ACSS3: variants seen among roughly 807,000 people sequenced by gnomAD.
ACSS3 encodes acyl-CoA synthetase short-chain family member 3, mitochondrial.
ACSS3 carries 64 observed loss-of-function variants against 84.2 expected under a neutral mutation model. The ratio of observed to expected loss-of-function variants is 0.76; its 90% confidence interval spans 0.62 to 0.94. The LOEUF is 0.94. Among genes scored for constraint, ACSS3 ranks in the 40% least tolerant of loss-of-function variants. The pLI is 0.00. For missense variants in ACSS3, 815 were observed against 867.6 expected, an observed-to-expected ratio of 0.94 and a Z score of 0.76; for synonymous variants, 317 against 310.1, an observed-to-expected ratio of 1.02 and a Z score of -0.23.
At chr12:81,142,228 G>C (rs1399682303) in intron 4 of ACSS3, among the ~76,000 whole-genome samples, 1 of 152,056 alleles carries the variant, frequency 6.6e-6, no homozygotes, top group Non-Finnish European at 1.5e-5. Flanking sequence ...GCTTGTGCTT[G>C]TGCTAACATG....
At chr12:81,179,892 G>A (rs991977939) in intron 8 of ACSS3, among the ~76,000 whole-genome samples, 4 of 152,126 alleles carry the variant, frequency 2.6e-5, no homozygotes, top group Admixed American at 1.3e-4. Context: ...ATTGGCTCAT[G>A]GTTTTGCAGG....
intron 11 of ACSS3, among the ~76,000 whole-genome samples, chr12:81,226,032 AT>A (rs2135959469): frequency 6.6e-6 from 1 of 151,952 alleles, no homozygotes; most frequent in South Asian, 2.1e-4. Context: ...ATCGCCACAA[AT>A]TTTAAAAAGT....
chr12:81,127,057 G>T (rs1159976901), intron 2 of ACSS3, among the ~76,000 whole-genome samples: 1 of 151,662 alleles, frequency 6.6e-6, no homozygotes, highest in Non-Finnish European at 1.5e-5. Flanking sequence ...CATTTTACTT[G>T]TAAGTGTAAA....
At chr12:81,183,473 A>G (rs151092718) in intron 8 of ACSS3, among the ~76,000 whole-genome samples, 1 of 152,158 alleles carries the variant, frequency 6.6e-6, no homozygotes, top group Non-Finnish European at 1.5e-5. Context: ...TATTAATAAT[A>G]ACTTTGACTG....
intron 8 of ACSS3, among the ~76,000 whole-genome samples, chr12:81,183,277 T>C (rs2031055422): frequency 6.6e-6 from 1 of 152,086 alleles, no homozygotes; most frequent in Non-Finnish European, 1.5e-5. Context: ...ATGTTTTATG[T>C]AAACCTCATG....
intron 5 of ACSS3, among the ~76,000 whole-genome samples, chr12:81,146,257 T>C (rs1178247456): frequency 1.3e-5 from 2 of 152,184 alleles, no homozygotes; most frequent in Non-Finnish European, 2.9e-5. Context: ...AGCCAGCTTC[T>C]TGGACACCTC....
At chr12:81,143,050 G>T in intron 4 of ACSS3, 57 bp from the exon 5 acceptor site, 3 of 1,426,618 alleles carry the variant, frequency 2.1e-6, no homozygotes, top group Admixed American at 4.2e-5. Flanking sequence ...GCTACTTTTT[G>T]TTCTCTTGAT....
chr12:81,245,840 G>A (rs964088892), intron 13 of ACSS3, among the ~76,000 whole-genome samples: 2 of 152,000 alleles, frequency 1.3e-5, no homozygotes, highest in Non-Finnish European at 2.9e-5. Flanking sequence ...TTAGAATGGA[G>A]TGGTGAATTC....
In ACSS3 at chr12:81,095,711, A is replaced by T. The variant is rs909236338; in HGVS notation, c.312-13849A>T. ...TGGGCTGCATTTCTCACCACTGGCA[A>T]TTCACCTAGCTTTAATCCGAGATGA... On this transcript the variant is annotated intron_variant, in intron 1 of 15. Coordinates refer to ENST00000548058, the MANE Select transcript of ACSS3 (RefSeq NM_024560.4). Among the ~76,000 whole-genome samples the T allele has an allele frequency of 2.0e-5, 3 of 152,090 alleles. No individual in the cohort carries two copies. In the South Asian group the frequency reaches 6.2e-4, roughly 32 times the overall value.
chr12:81,167,573 C>T (rs1014975158), intron 7 of ACSS3, among the ~76,000 whole-genome samples: 2 of 152,032 alleles, frequency 1.3e-5, no homozygotes, highest in African/African-American at 4.8e-5. Flanking sequence ...GAGAGGAGGA[C>T]CATGTATCTG....
chr12:81,217,054 A>C, intron 10 of ACSS3, 58 bp downstream of exon 10: 1 of 1,388,586 alleles, frequency 7.2e-7, no homozygotes, highest in Non-Finnish European at 1.0e-6. Flanking sequence ...TCTTGCATCT[A>C]GTGTGTATTA....
intron 1 of ACSS3, among the ~76,000 whole-genome samples, chr12:81,089,280 TC>T (rs139351394): frequency 0.017 from 2,600 of 152,066 alleles, 73 homozygotes; most frequent in African/African-American, 0.06. Context: ...GTGTACTATT[TC>T]TTTTTATTTT....
At chr12:81,203,202 G>A (rs947320250) in intron 9 of ACSS3, among the ~76,000 whole-genome samples, 1 of 152,152 alleles carries the variant, frequency 6.6e-6, no homozygotes, top group Non-Finnish European at 1.5e-5. Flanking sequence ...GAAGAAGAGT[G>A]TATTCCAACT....
chr12:81,199,235 A>G (rs1178343350), intron 8 of ACSS3, 106 bp from the exon 9 acceptor site: 5 of 945,812 alleles, frequency 5.3e-6, no homozygotes, highest in Non-Finnish European at 7.9e-6. Context: ...ATATTGCTGT[A>G]TTCCTCTGAC....
rs73346736 is a variant in ACSS3 at position 81,251,959 on chromosome 12, T to G, written c.1720-1348T>G. On this transcript the variant is annotated intron_variant, in intron 13 of 15. Coordinates refer to ENST00000548058, the MANE Select transcript of ACSS3 (RefSeq NM_024560.4). ...ACCTTCCCAGGAATGCTAAAATGAG[T>G]TGGAAGTTCCTAGCACAATACCTAT... Among the ~76,000 whole-genome samples the G allele has an allele frequency of 5.2e-3, 785 of 152,210 alleles. 8 individuals are homozygous for G. The highest frequency in any genetic ancestry group is 0.018 in the African/African-American group (733 of 41,534).
At chr12:81,084,702 CAAAGAAAGAGGA>C (rs1017042393) in intron 1 of ACSS3, among the ~76,000 whole-genome samples, 24 of 151,698 alleles carry the variant, frequency 1.6e-4, no homozygotes, top group African/African-American at 5.8e-4. Context: ...ATGAGACATT[CAAAGAAAGAGGA>C]AAAGAAAGAG....
chr12:81,213,983 CT>C (rs1555181706), intron 9 of ACSS3, among the ~76,000 whole-genome samples: 1 of 38,078 alleles, frequency 2.6e-5, no homozygotes, highest in Admixed American at 2.9e-4. Context: ...TTCTTTCTTT[CT>C]TTCTTTCTTT....
intron 13 of ACSS3, among the ~76,000 whole-genome samples, chr12:81,240,669 T>A (rs1013785314): frequency 2.6e-5 from 4 of 151,934 alleles, no homozygotes; most frequent in Admixed American, 2.0e-4. Flanking sequence ...GAACATTTTA[T>A]ATTATTTCAT....
intron 1 of ACSS3, among the ~76,000 whole-genome samples, chr12:81,094,170 C>G (rs1183310345): frequency 7.6e-6 from 1 of 130,948 alleles, no homozygotes; most frequent in Non-Finnish European, 1.7e-5. Flanking sequence ...CTCTCTCTCT[C>G]TCTGTCTCTC....
Sources: allele counts gnomAD v4.1 joint callset (sites outside exome capture counted in the v4.1 genomes callset), GRCh38; gene constraint gnomAD v4.1.1; transcripts MANE v1.5; gene names NCBI Gene and HGNC (gene_info 2026-07-23, HGNC 2026-07-21).